The following FAH variants were observed in gnomAD, a reference collection of about 807,000 sequenced individuals.
The protein encoded by FAH is fumarylacetoacetase.
In FAH, 47 loss-of-function variants were observed where a neutral mutation model predicts 55.8. The observed-to-expected ratio is 0.84, with a 90% CI of 0.67 to 1.07. FAH has a LOEUF of 1.07. Among genes scored for constraint, FAH ranks in the 50% least tolerant of loss-of-function variants. The pLI is 0.00. For synonymous variants in FAH, 199 were observed against 207.7 expected, an observed-to-expected ratio of 0.96 and a Z score of 0.36; for missense variants, 495 against 545.9, an observed-to-expected ratio of 0.91 and a Z score of 0.93.
At chr15:80,169,175 G>T (rs1274281392) in intron 7 of FAH, among the ~76,000 whole-genome samples, 1 of 152,154 alleles carries the variant, frequency 6.6e-6, no homozygotes, top group East Asian at 1.9e-4. Context: ...CTGAGGTCAG[G>T]AGTTCAATAC....
chr15:80,168,298 G>A lies in FAH; in HGVS notation c.588G>A (p.Leu196=), dbSNP rs1435460132. 1 of 1,608,014 alleles carries A rather than the reference G, an allele frequency of 6.2e-7. No individual in the cohort carries two copies. The highest frequency in any genetic ancestry group is 2.2e-5 in the East Asian group (1 of 44,644). ...KPPVYGACKL[L]DMELEMAFFV... is the part of the protein sequence containing the mutation. ...CCGTATATGGTGCCTGCAAGCTCTT[G>A]GACATGGAGCTGGAAATGGTAAGTG... is the stretch of plus-strand genomic sequence containing the variant. Residue 196 remains leucine (L), a synonymous_variant, in exon 7 of 14, where the codon TTG becomes TTA. Transcript: ENST00000561421.
intron 13 of FAH, among the ~76,000 whole-genome samples, chr15:80,185,571 G>A (rs2041363377): frequency 6.6e-6 from 1 of 152,198 alleles, no homozygotes; most frequent in African/African-American, 2.4e-5. Flanking sequence ...AAGAAAGAGA[G>A]GTTTAATGGA....
upstream of FAH, chr15:80,152,894 A>C: frequency 1.6e-6 from 1 of 622,528 alleles, no homozygotes; most frequent in South Asian, 1.8e-5. Context: ...TCACGGTGAG[A>C]CCAAAAGTCA....
intron 13 of FAH, 44 bp from the exon 14 acceptor site, chr15:80,186,086 A>G: frequency 1.9e-6 from 3 of 1,552,526 alleles, no homozygotes; most frequent in Non-Finnish European, 2.7e-6. Context: ...GGTTCCGGTG[A>G]GCCCAGCAAC....
Position 80,175,047 on chromosome 15 carries a change from A to G in FAH, c.869A>G (p.Asp290Gly). ...AGGCCCCTGCCGTATCTGTGCCATG[A>G]CGAGCCCTACACATTTGACATCAAC... ...DPRPLPYLCH[D>G]EPYTFDINLS... The change falls in exon 10 of 14, where the codon GAC becomes GGC. Residue 290 changes from aspartate (D) to glycine (G), a missense_variant. Asp to Gly is a moderately conservative substitution (Grantham distance 94). Coordinates refer to ENST00000561421, the MANE Select transcript of FAH (RefSeq NM_000137.4). The G allele has an allele frequency of 6.2e-7, 1 of 1,608,082 alleles. No homozygotes were observed. The highest frequency in any genetic ancestry group is 8.5e-7 in the Non-Finnish European group (1 of 1,177,452).
intron 10 of FAH, among the ~76,000 whole-genome samples, chr15:80,175,593 C>A (rs956512284): frequency 1.3e-5 from 2 of 152,112 alleles, no homozygotes; most frequent in African/African-American, 2.4e-5. Context: ...GACCCGAGAT[C>A]CCCACCCTGG....
chr15:80,159,880 G>A lies in FAH; in HGVS notation c.314+3G>A. The A allele has an allele frequency of 6.2e-7, 1 of 1,614,140 alleles. No homozygotes were observed. The highest frequency in any genetic ancestry group is 8.5e-7 in the Non-Finnish European group (1 of 1,180,008). On this transcript the variant is annotated splice_donor_region_variant and intron_variant, in intron 3 of 13. Transcript: ENST00000561421. The stretch of plus-strand genomic sequence containing the variant: ...GATGACACCGAACTTCGGAAGTGGT[G>A]AGAAGCACGTGGTCATAGGGGGGAT...
chr15:80,158,160 T>A lies in FAH; in HGVS notation c.182T>A (p.Val61Asp). The change falls in exon 2 of 14, where the codon GTC becomes GAC. Residue 61 changes from valine to aspartate, a missense_variant. Coordinates refer to ENST00000561421, the MANE Select transcript of FAH (RefSeq NM_000137.4). Reference sequence around the variant, plus strand: ...CCTGTCCTCTCCAAACACCAGGATGTCTTCAATCAGGTAGGACATTGTGAA... The same window carrying A: ...CCTGTCCTCTCCAAACACCAGGATGACTTCAATCAGGTAGGACATTGTGAA... ...TGPVLSKHQD[V>D]FNQPTLNSFM... The A allele has an allele frequency of 6.2e-7, 1 of 1,611,362 alleles. No homozygotes were observed. The highest frequency in any genetic ancestry group is 8.5e-7 in the Non-Finnish European group (1 of 1,177,420).
rs75071287 is a variant in FAH, at chr15:80,171,983, G to A, written c.607-166G>A. Among the ~76,000 whole-genome samples the A allele has an allele frequency of 1.8e-4, 27 of 152,262 alleles. No individual in the cohort carries two copies. In the East Asian group the frequency reaches 3.1e-3, roughly 17 times the overall value. ...CCACTGCACTCTGCTTTCCTGAGGCGTCCATCTGACCTCTGACTTAGAAAC... is the reference window on the plus strand; with the variant it reads ...CCACTGCACTCTGCTTTCCTGAGGCATCCATCTGACCTCTGACTTAGAAAC... On this transcript the variant is annotated intron_variant, in intron 7 of 13. Coordinates refer to ENST00000561421, the MANE Select transcript of FAH (RefSeq NM_000137.4).
At chr15:80,168,465 A>G in intron 7 of FAH, 149 bp downstream of exon 7, 1 of 735,388 alleles carries the variant, frequency 1.4e-6, no homozygotes. Flanking sequence ...GGCCATCAGA[A>G]GGACAGTTGA....
At chr15:80,167,860 T>C (rs920850131) in intron 5 of FAH, among the ~76,000 whole-genome samples, 192 bp from the exon 6 acceptor site, 8 of 152,180 alleles carry the variant, frequency 5.3e-5, no homozygotes, top group Non-Finnish European at 1.2e-4. Flanking sequence ...TGAGGCTGAA[T>C]AATATTCCAC....
chr15:80,158,671 A>G (rs2041120984), intron 2 of FAH, among the ~76,000 whole-genome samples: 1 of 152,192 alleles, frequency 6.6e-6, no homozygotes, highest in Non-Finnish European at 1.5e-5. Context: ...TTCTCATTGC[A>G]TGGGTCAGGA....
chr15:80,153,083 C>G lies in FAH; in HGVS notation c.29C>G (p.Ser10Cys), dbSNP rs2041065338. The stretch of plus-strand genomic sequence containing the variant: ...TCCTTCATCCCGGTGGCCGAGGATT[C>G]CGACTTCCCCATCCACAACCTGCCC... MSFIPVAED[S>C]DFPIHNLPYG... The change falls in exon 1 of 14, where the codon TCC becomes TGC. Residue 10 changes from serine to cysteine, a missense_variant. Coordinates refer to ENST00000561421, the MANE Select transcript of FAH (RefSeq NM_000137.4). 6.2e-7 allele frequency: 1 copy of G among 1,613,756 alleles called. No homozygotes were observed. Among genetic ancestry groups the G allele is most frequent in the Non-Finnish European group, 8.5e-7 (1 of 1,180,020 alleles).
chr15:80,171,464 A>T (rs143027054), intron 7 of FAH, among the ~76,000 whole-genome samples: 1 of 152,212 alleles, frequency 6.6e-6, no homozygotes, highest in East Asian at 1.9e-4. Context: ...TATTTATTTT[A>T]TTTTTTTATT....
At chr15:80,158,474 T>G (rs191045087) in intron 2 of FAH, among the ~76,000 whole-genome samples, 4 of 152,288 alleles carry the variant, frequency 2.6e-5, no homozygotes, top group Non-Finnish European at 1.5e-5. Flanking sequence ...CTGGTTACTT[T>G]TCTTGTCAAG....
intron 4 of FAH, among the ~76,000 whole-genome samples, chr15:80,161,542 G>A (rs151031386): frequency 3.3e-5 from 5 of 151,962 alleles, no homozygotes; most frequent in African/African-American, 1.2e-4. Context: ...TTAATTCTCC[G>A]AATGGTAGAT....
chr15:80,170,479 G>A (rs1044528157), intron 7 of FAH, among the ~76,000 whole-genome samples: 9 of 152,214 alleles, frequency 5.9e-5, no homozygotes, highest in Admixed American at 2.6e-4. Context: ...GGGCACTGCC[G>A]AATAGCCCGT....
At chr15:80,183,719 C>G (rs1229646264) in intron 13 of FAH, among the ~76,000 whole-genome samples, 2 of 152,254 alleles carry the variant, frequency 1.3e-5, no homozygotes, top group African/African-American at 4.8e-5. Context: ...GCCAACGCCG[C>G]AGCACTTACT....
At chr15:80,179,399 T>C (rs1366360348) in intron 11 of FAH, among the ~76,000 whole-genome samples, 1 of 152,214 alleles carries the variant, frequency 6.6e-6, no homozygotes, top group Non-Finnish European at 1.5e-5. Flanking sequence ...TAAGAAGAAA[T>C]TAAGGGGCCT....
Sources: allele counts gnomAD v4.1 joint callset (sites outside exome capture counted in the v4.1 genomes callset), GRCh38; gene constraint gnomAD v4.1.1; transcripts MANE v1.5; gene names NCBI Gene and HGNC (gene_info 2026-07-23, HGNC 2026-07-21).